The following CRMP1 variants were observed in gnomAD, a reference collection of about 807,000 sequenced individuals.
CRMP1 encodes the protein collapsin response mediator protein 1, also known as dihydropyrimidinase-related protein 1.
A neutral mutation model predicts 68.3 loss-of-function variants in CRMP1; 19 were observed. That is an observed-to-expected ratio of 0.28 (90% CI 0.19 to 0.41). CRMP1 has a LOEUF of 0.41. Ranked by LOEUF, CRMP1 falls within the 10% of genes least tolerant of loss-of-function variation. CRMP1 has a pLI of 1.00. For synonymous variants in CRMP1, 439 were observed against 399.6 expected (o/e 1.10, Z -1.18); for missense variants, 791 against 967.4 (o/e 0.82, Z 2.42).
At position 5,834,098 on chromosome 4, in the gene CRMP1, G is replaced by T. The variant is rs1292223171; in HGVS notation, c.1623+1817C>A. ...ATCCCAGCTCAGTCTACTTCCTTCT[G>T]GGTCCTTGTCCGCCGACCTTTGACT... On this transcript the variant is annotated intron_variant, in intron 11 of 13. Coordinates refer to ENST00000324989, the MANE Select transcript of CRMP1 (RefSeq NM_001014809.3). This position sits in a 1 kb window ranked among gnomAD's most constrained non-coding sequence, Gnocchi z 4.3. 2.6e-5 allele frequency among the ~76,000 whole-genome samples: 4 copies of T among 152,150 alleles called. No individual in the cohort carries two copies. Among genetic ancestry groups the T allele is most frequent in the African/African-American group, 4.8e-5 (2 of 41,410 alleles).
At chr4:5,864,146 T>G (rs1315141196) in intron 2 of CRMP1, among the ~76,000 whole-genome samples, 2 of 152,188 alleles carry the variant, frequency 1.3e-5, no homozygotes, top group African/African-American at 4.8e-5. Context: ...GCTCAACCCA[T>G]GGCCACTTGC....
intron 1 of CRMP1, among the ~76,000 whole-genome samples, chr4:5,878,190 G>A (rs1003029533): frequency 1.3e-5 from 2 of 151,324 alleles, no homozygotes; most frequent in Admixed American, 1.3e-4. Flanking sequence ...CAGCAGCTAG[G>A]ATTTGAACCG....
rs1474620313 is a variant in CRMP1 at position 5,892,465 on chromosome 4, C to A, written c.381+124G>T. 8.0e-6 allele frequency: 8 copies of A among 995,432 alleles called. No individual in the cohort carries two copies. The highest frequency in any genetic ancestry group is 1.0e-5 in the Non-Finnish European group (8 of 800,924). 61.7% of individuals were successfully genotyped at this position (995,432 alleles called of 1,614,324 possible). A position where few individuals can be genotyped will look rare whatever the true frequency, so the allele number is the denominator to read the frequency against. ...AGGTGGGGGAGGGGCCGCGCCGTGG[C>A]TCTCCCCAGCCTGGCGGCCGCTGCC... On this transcript the variant is annotated intron_variant, in intron 1 of 13. Coordinates refer to ENST00000324989, the MANE Select transcript of CRMP1 (RefSeq NM_001014809.3). The surrounding 1 kb of genome is among the most constrained non-coding windows in gnomAD (Gnocchi z 8.6).
In CRMP1 at chr4:5,861,243, T is replaced by C; in HGVS notation, c.471-33A>G. 1 of 1,599,886 alleles carries C rather than the reference T, an allele frequency of 6.3e-7. No individual in the cohort carries two copies. Among genetic ancestry groups the C allele is most frequent in the Non-Finnish European group, 8.5e-7 (1 of 1,172,592 alleles). ...CAAACAACAGAGACAGCCTTGGTTC[T>C]TAAAGGAAAAGTAGAATGGGCAGTC... On this transcript the variant is annotated intron_variant, in intron 2 of 13. Transcript: ENST00000324989. The surrounding 1 kb of genome is among the most constrained non-coding windows in gnomAD (Gnocchi z 6.0).
intron 4 of CRMP1, 29 bp downstream of exon 4, chr4:5,856,114 C>T (rs572324058): frequency 6.2e-7 from 1 of 1,611,196 alleles, no homozygotes; most frequent in East Asian, 2.2e-5. Flanking sequence ...AGGGATTCCC[C>T]AAAACCCCGT....
intron 1 of CRMP1, among the ~76,000 whole-genome samples, chr4:5,868,281 A>AGATATATATATATC (rs1560513320): frequency 1.0e-3 from 90 of 89,130 alleles, no homozygotes; most frequent in African/African-American, 4.2e-3. Context: ...ATATATATAT[A>AGATATATATATATC]TATATATATA....
intron 1 of CRMP1, among the ~76,000 whole-genome samples, chr4:5,868,824 A>G (rs2152470727): frequency 6.6e-6 from 1 of 152,358 alleles, no homozygotes; most frequent in East Asian, 1.9e-4. Flanking sequence ...TGGGTCAAAC[A>G]ACATAAACCT....
chr4:5,833,291 C>G (rs894673770), intron 11 of CRMP1, among the ~76,000 whole-genome samples: 1 of 131,298 alleles, frequency 7.6e-6, no homozygotes, highest in Non-Finnish European at 1.6e-5. Context: ...CTCAGCCTCC[C>G]GAGTAGCTGG....
At chr4:5,844,664 C>G (rs1204693974) in intron 6 of CRMP1, among the ~76,000 whole-genome samples, 1 of 152,204 alleles carries the variant, frequency 6.6e-6, no homozygotes, top group Non-Finnish European at 1.5e-5. Context: ...GGAGCTGGAA[C>G]AGCTAAATCT....
In CRMP1 at chr4:5,841,239, A is replaced by C. The variant is rs1711703264; in HGVS notation, c.1153+69T>G. ...CCTGTCTGAGTTCGGGAGGGAGTGA[A>C]CTTGAACCTGCAGGACACCCCCTTC... On this transcript the variant is annotated intron_variant, in intron 8 of 13. Coordinates refer to ENST00000324989, the MANE Select transcript of CRMP1 (RefSeq NM_001014809.3). This position sits in a 1 kb window ranked among gnomAD's most constrained non-coding sequence, Gnocchi z 6.9. 1.9e-6 allele frequency: 3 copies of C among 1,612,096 alleles called. No individual in the cohort carries two copies. Among genetic ancestry groups the C allele is most frequent in the Admixed American group, 3.3e-5 (2 of 59,966 alleles).
In CRMP1 at chr4:5,872,569, C is replaced by T. The variant is rs1714532830; in HGVS notation, c.382-5813G>A. Among the ~76,000 whole-genome samples the T allele has an allele frequency of 6.6e-6, 1 of 152,178 alleles. No individual in the cohort carries two copies. On this transcript the variant is annotated intron_variant, in intron 1 of 13. Transcript: ENST00000324989. The surrounding 1 kb of genome is among the most constrained non-coding windows in gnomAD (Gnocchi z 4.6). ...GGGCGTGGTGGCAGGCACCTGTAAT[C>T]CCAGCTACTCGGGAGGCTGAGGCAG...
At position 5,879,324 on chromosome 4, in the gene CRMP1, T is replaced by C. The variant is rs1186400101; in HGVS notation, c.382-12568A>G. ...TTTCCAACTCCTTAGTCACGTGCAG[T>C]GTCTTGAGTCCAGGATCACAAGGTC... On this transcript the variant is annotated intron_variant, in intron 1 of 13. Coordinates refer to ENST00000324989, the MANE Select transcript of CRMP1 (RefSeq NM_001014809.3). This position sits in a 1 kb window ranked among gnomAD's most constrained non-coding sequence, Gnocchi z 4.2. Among the ~76,000 whole-genome samples the C allele has an allele frequency of 2.0e-5, 3 of 152,240 alleles. No individual in the cohort carries two copies. The highest frequency in any genetic ancestry group is 2.0e-4 in the Admixed American group (3 of 15,290).
chr4:5,861,425 T>C lies in CRMP1; in HGVS notation c.471-215A>G, dbSNP rs576678373. Among the ~76,000 whole-genome samples, 16 of 152,288 alleles carry C rather than the reference T, an allele frequency of 1.1e-4. No homozygotes were observed. In the South Asian group the frequency reaches 3.1e-3, roughly 30 times the overall value. ...GTGGGCAGACTGTTAGAGCCCAGTATAGCAGAGATGATCGGGGGCACGAGG... is the reference window on the plus strand; with the variant it reads ...GTGGGCAGACTGTTAGAGCCCAGTACAGCAGAGATGATCGGGGGCACGAGG... On this transcript the variant is annotated intron_variant, in intron 2 of 13. Transcript: ENST00000324989. This position sits in a 1 kb window ranked among gnomAD's most constrained non-coding sequence, Gnocchi z 6.0.
chr4:5,855,761 G>A lies in CRMP1; in HGVS notation c.820+382C>T, dbSNP rs1182123307. On this transcript the variant is annotated intron_variant, in intron 4 of 13. Transcript: ENST00000324989. The surrounding 1 kb of genome is among the most constrained non-coding windows in gnomAD (Gnocchi z 4.9). The stretch of plus-strand genomic sequence containing the variant: ...GAAGGTGAGTAGCACTGGGCAGGCA[G>A]AGGAGAAAGGGCATTCATTCCTGGC... Among the ~76,000 whole-genome samples the A allele has an allele frequency of 3.3e-5, 5 of 152,330 alleles. No homozygotes were observed. In the East Asian group the frequency reaches 9.7e-4, roughly 29 times the overall value.
rs1293700625 is a variant in CRMP1, at chr4:5,842,616, ACT to A, written c.1032+475_1032+476del. On this transcript the variant is annotated intron_variant, in intron 7 of 13. Coordinates refer to ENST00000324989, the MANE Select transcript of CRMP1 (RefSeq NM_001014809.3). This position sits in a 1 kb window ranked among gnomAD's most constrained non-coding sequence, Gnocchi z 4.5. ...CACTCTCTCACACACACACACACACACTCACTCACACACACACACACGCACTG... is the reference window on the plus strand; with the variant it reads ...CACTCTCTCACACACACACACACACACACTCACACACACACACACGCACTG... 1.5e-5 allele frequency among the ~76,000 whole-genome samples: 2 copies of A among 136,738 alleles called. No homozygotes were observed. The highest frequency in any genetic ancestry group is 3.2e-5 in the Non-Finnish European group (2 of 62,864). The allele number at this position is 136,738 out of a possible 152,430, so 89.7% of individuals were successfully genotyped here.
intron 8 of CRMP1, 147 bp from the exon 9 acceptor site, chr4:5,839,825 T>C: frequency 1.0e-6 from 1 of 966,360 alleles, no homozygotes; most frequent in Non-Finnish European, 1.5e-6. Context: ...CATCACCGCC[T>C]GCACCGCAGG....
At chr4:5,876,422 T>A (rs148013592) in intron 1 of CRMP1, among the ~76,000 whole-genome samples, 2 of 152,188 alleles carry the variant, frequency 1.3e-5, no homozygotes, top group Non-Finnish European at 2.9e-5. Flanking sequence ...CAAATTCAGA[T>A]GAGGTTACCT....
At chr4:5,824,299 C>T (rs1393933420) in intron 13 of CRMP1, 1 of 985,222 alleles carries the variant, frequency 1.0e-6, no homozygotes, top group Admixed American at 6.2e-5. Flanking sequence ...TTTTAGCATT[C>T]TATTTAGGGT....
chr4:5,821,655 CT>C lies in CRMP1; in HGVS notation c.*104del. On this transcript the variant is annotated 3_prime_UTR_variant, in exon 14 of 14. Transcript: ENST00000324989. The surrounding 1 kb of genome is among the most constrained non-coding windows in gnomAD (Gnocchi z 4.4). Reference sequence around the variant, plus strand: ...AGAGCATCCTTCGACTTCCCCCTCCCTCCATCAGCACCAACTAAAACTGTGG... The same window carrying C: ...AGAGCATCCTTCGACTTCCCCCTCCCCCATCAGCACCAACTAAAACTGTGG... 9.4e-7 allele frequency: 1 copy of C among 1,065,184 alleles called. No homozygotes were observed. Among genetic ancestry groups the C allele is most frequent in the East Asian group, 2.6e-5 (1 of 38,070 alleles). The allele number at this position is 1,065,184 out of a possible 1,614,324, so 66.0% of individuals were successfully genotyped here. A position where few individuals can be genotyped will look rare whatever the true frequency, so the allele number is the denominator to read the frequency against.
Sources: allele counts gnomAD v4.1 joint callset (sites outside exome capture counted in the v4.1 genomes callset), GRCh38; gene constraint gnomAD v4.1.1; non-coding constraint Gnocchi (gnomAD v3.1); transcripts MANE v1.5; gene names NCBI Gene and HGNC (gene_info 2026-07-23, HGNC 2026-07-21).